PIK3C2A: variants seen among roughly 807,000 people sequenced by gnomAD.
The protein encoded by PIK3C2A is phosphatidylinositol-4-phosphate 3-kinase catalytic subunit type 2 alpha, also known as phosphatidylinositol 4-phosphate 3-kinase C2 domain-containing subunit alpha.
A neutral mutation model predicts 204.5 loss-of-function variants in PIK3C2A; 97 were observed. The observed-to-expected ratio is 0.47, with a 90% confidence interval of 0.40 to 0.56. PIK3C2A has a LOEUF of 0.56. PIK3C2A is among the 20% of genes least tolerant of loss of function. PIK3C2A has a pLI of 0.00. For synonymous variants in PIK3C2A, 653 were observed against 664.4 expected (o/e 0.98, Z 0.26); for missense variants, 1,735 against 1,969.2 (o/e 0.88, Z 2.25).
At chr11:17,192,049 G>T (rs112812232) in intron 1 of PIK3C2A, among the ~76,000 whole-genome samples, 4 of 152,042 alleles carry the variant, frequency 2.6e-5, no homozygotes, top group African/African-American at 9.7e-5. Flanking sequence ...GGAGGCTGAG[G>T]TGGCAGGAAA....
chr11:17,192,202 A>C (rs771647955), intron 1 of PIK3C2A, among the ~76,000 whole-genome samples: 5 of 152,102 alleles, frequency 3.3e-5, no homozygotes, highest in Admixed American at 6.6e-5. Flanking sequence ...TCCTCTTATT[A>C]TTTGTTTAAA....
At chr11:17,100,290 T>C (rs1274477871) in intron 25 of PIK3C2A, among the ~76,000 whole-genome samples, 2 of 143,914 alleles carry the variant, frequency 1.4e-5, no homozygotes, top group Admixed American at 1.4e-4. Flanking sequence ...CTTGGCTCAC[T>C]GCATCCTCTG....
At chr11:17,143,132 G>C (rs1418405476) in intron 8 of PIK3C2A, among the ~76,000 whole-genome samples, 2 of 152,074 alleles carry the variant, frequency 1.3e-5, no homozygotes, top group African/African-American at 4.8e-5. Context: ...CAGCTTACCA[G>C]AGATATTCAG....
At chr11:17,120,517 T>C (rs1263452577) in intron 15 of PIK3C2A, among the ~76,000 whole-genome samples, 1 of 151,902 alleles carries the variant, frequency 6.6e-6, no homozygotes, top group Non-Finnish European at 1.5e-5. Flanking sequence ...TATATATACA[T>C]ATACATGCAC....
At chr11:17,161,292 A>G (rs1850768618) in intron 2 of PIK3C2A, among the ~76,000 whole-genome samples, 1 of 152,198 alleles carries the variant, frequency 6.6e-6, no homozygotes, top group African/African-American at 2.4e-5. Context: ...ACTTTTTCCC[A>G]AAGAAACTTA....
At chr11:17,200,856 A>C (rs1276678995) in intron 1 of PIK3C2A, among the ~76,000 whole-genome samples, 1 of 152,252 alleles carries the variant, frequency 6.6e-6, no homozygotes, top group Non-Finnish European at 1.5e-5. Flanking sequence ...CATACATTTC[A>C]ATACACACAG....
At chr11:17,199,957 G>A (rs182881268) in intron 1 of PIK3C2A, among the ~76,000 whole-genome samples, 4 of 147,994 alleles carry the variant, frequency 2.7e-5, no homozygotes, top group Admixed American at 2.0e-4. Flanking sequence ...GGGTTGAGAA[G>A]AGAATGAACA....
At chr11:17,133,972 C>A (rs912029221) in intron 11 of PIK3C2A, among the ~76,000 whole-genome samples, 1 of 151,806 alleles carries the variant, frequency 6.6e-6, no homozygotes, top group African/African-American at 2.4e-5. Context: ...TCTTAAATTG[C>A]CTAATTAACT....
intron 1 of PIK3C2A, among the ~76,000 whole-genome samples, chr11:17,196,747 T>C (rs560326636): frequency 6.6e-6 from 1 of 151,990 alleles, no homozygotes; most frequent in East Asian, 1.9e-4. Flanking sequence ...TTTTTCTGTA[T>C]TTTTAGTAGA....
chr11:17,150,382 T>C lies in PIK3C2A; in HGVS notation c.1327+116A>G, dbSNP rs1469840876. On this transcript the variant is annotated intron_variant, in intron 4 of 32. Transcript: ENST00000691414. ...AGTTCTAACGAGAAAACTATCCATA[T>C]GAATGCCAAAAAGACACATAACAAA... 11 of 842,092 alleles carry C rather than the reference T, an allele frequency of 1.3e-5. No individual in the cohort carries two copies. The South Asian group carries it at 2.5e-4, about 19-fold the overall frequency. The allele number at this position is 842,092 out of a possible 1,614,324, so 52.2% of individuals were successfully genotyped here.
chr11:17,126,685 G>A (rs1849537844), intron 13 of PIK3C2A, among the ~76,000 whole-genome samples: 1 of 152,024 alleles, frequency 6.6e-6, no homozygotes, highest in South Asian at 2.1e-4. Context: ...TTCCTTGAAC[G>A]TGAAGTCCTA....
intron 13 of PIK3C2A, among the ~76,000 whole-genome samples, chr11:17,127,310 G>GTT (rs201763390): frequency 1.1e-3 from 158 of 149,354 alleles, no homozygotes; most frequent in African/African-American, 3.4e-3. Flanking sequence ...ATAAATATGT[G>GTT]TTTTTTTTTT....
At chr11:17,125,411 T>C (rs562966584) in intron 13 of PIK3C2A, among the ~76,000 whole-genome samples, 1 of 152,208 alleles carries the variant, frequency 6.6e-6, no homozygotes, top group African/African-American at 2.4e-5. Context: ...ATGTCAATAC[T>C]GCCAAGATTG....
At chr11:17,172,136 C>G (rs966066745) in intron 1 of PIK3C2A, among the ~76,000 whole-genome samples, 1 of 152,162 alleles carries the variant, frequency 6.6e-6, no homozygotes, top group Non-Finnish European at 1.5e-5. Flanking sequence ...CATTTCAACA[C>G]ATACTCCCAC....
Position 17,131,953 on chromosome 11 carries a change from A to G in PIK3C2A, c.2194T>C (p.Tyr732His), listed in dbSNP as rs1289066236. The G allele has an allele frequency of 6.3e-7, 1 of 1,597,972 alleles. No individual in the cohort carries two copies. The highest frequency in any genetic ancestry group is 8.5e-7 in the Non-Finnish European group (1 of 1,170,340). ...TTAATAAGATAGAAGAAATTCTTGT[A>G]AGTGCCAACCTTCTTTGATTGAATA... ...KPIQSKKVGT[Y>H]KNFFYLIKWD... The change falls in exon 12 of 33, where the codon TAC becomes CAC. Residue 732 changes from tyrosine to histidine, a missense_variant. Tyr to His is a moderately conservative substitution (Grantham distance 83). Coordinates refer to ENST00000691414, the MANE Select transcript of PIK3C2A (RefSeq NM_002645.4).
intron 8 of PIK3C2A, among the ~76,000 whole-genome samples, chr11:17,144,683 T>C (rs1399862538): frequency 1.3e-5 from 2 of 151,756 alleles, no homozygotes; most frequent in Admixed American, 6.6e-5. Context: ...TCACTTGAGG[T>C]CAGGAATTCG....
At chr11:17,201,130 T>G (rs1852357852) in intron 1 of PIK3C2A, among the ~76,000 whole-genome samples, 1 of 152,088 alleles carries the variant, frequency 6.6e-6, no homozygotes, top group African/African-American at 2.4e-5. Flanking sequence ...CGCTTGAACC[T>G]GTGAGGCGGA....
In PIK3C2A at chr11:17,119,880, T is replaced by C. The variant is rs757994642; in HGVS notation, c.2752A>G (p.Asn918Asp). Residue 918 changes from asparagine (N) to aspartate (D), a missense_variant, in exon 16 of 33, where the codon AAC becomes GAC. By Grantham distance (23) the Asn-to-Asp change is conservative. Transcript: ENST00000691414. ...TTGGCAAGATTAACCCATTTCCAGT[T>C]TGGGGCGCTTGCTAATATTTTAGGA... The part of the protein sequence containing the change: ...CLPKILASAP[N>D]WKWVNLAKTY... 8 of 1,611,966 alleles carry C rather than the reference T, an allele frequency of 5.0e-6. No homozygotes were observed. In the South Asian group the frequency reaches 7.7e-5, roughly 16 times the overall value.
chr11:17,204,506 T>A (rs1852497878), intron 1 of PIK3C2A: 1 of 152,216 alleles, frequency 6.6e-6, no homozygotes, highest in African/African-American at 2.4e-5. Flanking sequence ...AAGGAATTAA[T>A]CATTTAAGAC....
Sources: gnomAD v4.1 joint callset for allele counts (sites outside exome capture counted in the v4.1 genomes callset) on GRCh38, gnomAD v4.1.1 for gene constraint, MANE v1.5 for transcripts, NCBI Gene and HGNC (gene_info 2026-07-23, HGNC 2026-07-21) for gene names.